CAMTA1: variants seen among roughly 807,000 people sequenced by gnomAD.
CAMTA1 encodes the protein calmodulin-binding transcription activator 1.
A neutral mutation model predicts 170.9 loss-of-function variants in CAMTA1; 27 were observed. The observed-to-expected ratio is 0.16, with a 90% confidence interval of 0.12 to 0.22. The LOEUF is 0.22. Ranked by LOEUF, CAMTA1 falls within the 10% of genes least tolerant of loss-of-function variation. The pLI, the probability that CAMTA1 is intolerant of heterozygous loss-of-function variation, is 1.00. For missense variants in CAMTA1, 1,619 were observed against 2,217.2 expected, an observed-to-expected ratio of 0.73 and a Z score of 5.42; for synonymous variants, 833 against 891.5, an observed-to-expected ratio of 0.93 and a Z score of 1.17.
chr1:6,860,546 A>T (rs1664277520), intron 3 of CAMTA1, among the ~76,000 whole-genome samples: 1 of 152,000 alleles, frequency 6.6e-6, no homozygotes, highest in African/African-American at 2.4e-5. Context: ...TTCTTTCCTT[A>T]TACACTGATT....
intron 11 of CAMTA1, among the ~76,000 whole-genome samples, chr1:7,686,841 T>G (rs750126071): frequency 7.0e-4 from 106 of 152,010 alleles, no homozygotes; most frequent in Non-Finnish European, 2.6e-4. Flanking sequence ...GCTGATGATT[T>G]GAATATGAAG....
Position 7,588,236 on chromosome 1 carries a change from G to A in CAMTA1, c.511-52164G>A, listed in dbSNP as rs914565654. Reference sequence around the variant, plus strand: ...ACCCCAGGACAAGCTCCTGTGGCCAGACAACCCCCGCCCCAGTTCTCACTG... The same window carrying A: ...ACCCCAGGACAAGCTCCTGTGGCCAAACAACCCCCGCCCCAGTTCTCACTG... On this transcript the variant is annotated intron_variant, in intron 6 of 22. Coordinates refer to ENST00000303635, the MANE Select transcript of CAMTA1 (RefSeq NM_015215.4). The surrounding 1 kb of genome is among the most constrained non-coding windows in gnomAD (Gnocchi z 5.8). 9.2e-5 allele frequency among the ~76,000 whole-genome samples: 14 copies of A among 152,216 alleles called. No homozygotes were observed. The highest frequency in any genetic ancestry group is 3.4e-3 in the Middle Eastern group (1 of 294).
In CAMTA1 at chr1:7,293,913, C is replaced by A. The variant is rs1673534975; in HGVS notation, c.438+44287C>A. ...TAATGAGCATTTGGCTTTTGTAATC[C>A]TTTTTCTGCTTCGTGCTAGCAGCCT... On this transcript the variant is annotated intron_variant, in intron 5 of 22. Coordinates refer to ENST00000303635, the MANE Select transcript of CAMTA1 (RefSeq NM_015215.4). The surrounding 1 kb of genome is among the most constrained non-coding windows in gnomAD (Gnocchi z 4.1). 6.6e-6 allele frequency among the ~76,000 whole-genome samples: 1 copy of A among 152,216 alleles called. No homozygotes were observed. Among genetic ancestry groups the A allele is most frequent in the African/African-American group, 2.4e-5 (1 of 41,454 alleles).
intron 3 of CAMTA1, among the ~76,000 whole-genome samples, chr1:7,028,224 C>G (rs1487117769): frequency 6.6e-6 from 1 of 152,138 alleles, no homozygotes. Flanking sequence ...ATATTTCTCC[C>G]TGACACTTTT....
intron 6 of CAMTA1, among the ~76,000 whole-genome samples, chr1:7,631,653 A>C (rs903686600): frequency 2.6e-5 from 4 of 152,180 alleles, no homozygotes; most frequent in African/African-American, 9.7e-5. Context: ...AGAGAGACCC[A>C]AGGAGACAGC....
chr1:6,871,427 C>T (rs1668381747), intron 3 of CAMTA1, among the ~76,000 whole-genome samples: 1 of 152,202 alleles, frequency 6.6e-6, no homozygotes, highest in African/African-American at 2.4e-5. Context: ...AGGAAAAACT[C>T]ACCATGCTGT....
intron 6 of CAMTA1, among the ~76,000 whole-genome samples, chr1:7,630,809 G>A (rs74053116): frequency 0.018 from 2,760 of 152,306 alleles, 72 homozygotes; most frequent in African/African-American, 0.063. Context: ...AAGGAAGTGG[G>A]GAGGTGTTCT....
Position 7,122,068 on chromosome 1 carries a change from C to T in CAMTA1, c.302+30697C>T, listed in dbSNP as rs113540736. On this transcript the variant is annotated intron_variant, in intron 4 of 22. Transcript: ENST00000303635. ...GCAGGGATGGGCTTGAGGCTGTTTCCGGGAAAGGCCATGGAGTGTTCTGGG... is the reference window on the plus strand; with the variant it reads ...GCAGGGATGGGCTTGAGGCTGTTTCTGGGAAAGGCCATGGAGTGTTCTGGG... Among the ~76,000 whole-genome samples the T allele has an allele frequency of 8.2e-3, 1,243 of 152,078 alleles. 26 individuals are homozygous for T. The highest frequency in any genetic ancestry group is 0.029 in the African/African-American group (1,195 of 41,470).
intron 6 of CAMTA1, among the ~76,000 whole-genome samples, chr1:7,579,563 T>C (rs1390184844): frequency 2.9e-5 from 4 of 136,132 alleles, no homozygotes; most frequent in African/African-American, 1.2e-4. Context: ...TTTTTTTTTT[T>C]TTTTTTTTTT....
chr1:7,103,885 GTACACACAACACACAACTACAC>G (rs1643196222), intron 4 of CAMTA1, among the ~76,000 whole-genome samples: 1 of 128,408 alleles, frequency 7.8e-6, no homozygotes. Flanking sequence ...CTACACACAT[GTACACACAACACACAACTACAC>G]GCGCACTCAC....
chr1:7,321,948 C>G (rs996063873), intron 5 of CAMTA1, among the ~76,000 whole-genome samples: 1 of 152,130 alleles, frequency 6.6e-6, no homozygotes, highest in African/African-American at 2.4e-5. Context: ...TATCTTGAGT[C>G]GAGGCACCAG....
At chr1:7,223,870 T>C (rs1168286466) in intron 4 of CAMTA1, among the ~76,000 whole-genome samples, 1 of 152,166 alleles carries the variant, frequency 6.6e-6, no homozygotes, top group Non-Finnish European at 1.5e-5. Context: ...TTTTATTAGA[T>C]GTATTTACAT....
chr1:7,702,546 A>G (rs1165327342), intron 11 of CAMTA1, among the ~76,000 whole-genome samples: 1 of 152,080 alleles, frequency 6.6e-6, no homozygotes, highest in Non-Finnish European at 1.5e-5. Flanking sequence ...ATCCATTCAG[A>G]GCAATTCAAC....
chr1:6,933,068 A>C (rs759253464), intron 3 of CAMTA1, among the ~76,000 whole-genome samples: 7 of 151,492 alleles, frequency 4.6e-5, no homozygotes, highest in Admixed American at 1.3e-4. Context: ...AGCAATCATC[A>C]TCTTTTTTTT....
chr1:7,013,316 C>T (rs994264543), intron 3 of CAMTA1, among the ~76,000 whole-genome samples: 33 of 147,328 alleles, frequency 2.2e-4, no homozygotes, highest in Non-Finnish European at 2.4e-4. Context: ...CTCCCAGGTT[C>T]GAGATTCTCA....
At chr1:7,445,067 G>A (rs2092645076) in intron 5 of CAMTA1, among the ~76,000 whole-genome samples, 1 of 151,752 alleles carries the variant, frequency 6.6e-6, no homozygotes. Flanking sequence ...GGATGGGGTG[G>A]GGGTTACCTC....
chr1:6,952,430 CAAAAAAAAGAAAA>C (rs1688663431), intron 3 of CAMTA1, among the ~76,000 whole-genome samples: 1 of 13,120 alleles, frequency 7.6e-5, no homozygotes, highest in Non-Finnish European at 1.6e-4. Flanking sequence ...GACTCTGTCT[CAAAAAAAAGAAAA>C]AAAAAAAAAA....
intron 6 of CAMTA1, among the ~76,000 whole-genome samples, chr1:7,626,642 G>A (rs2095635546): frequency 6.6e-6 from 1 of 152,176 alleles, no homozygotes; most frequent in Admixed American, 6.5e-5. Context: ...TGAACATCAG[G>A]AAGAGGCAAA....
At chr1:7,454,779 G>A (rs1230081788) in intron 5 of CAMTA1, among the ~76,000 whole-genome samples, 1 of 152,100 alleles carries the variant, frequency 6.6e-6, no homozygotes, top group Non-Finnish European at 1.5e-5. Flanking sequence ...GCTCCCTGGG[G>A]ACATTACCTC....
Sources: gnomAD v4.1 joint callset for allele counts (sites outside exome capture counted in the v4.1 genomes callset) on GRCh38, gnomAD v4.1.1 for gene constraint, Gnocchi (gnomAD v3.1) non-coding constraint, MANE v1.5 for transcripts, NCBI Gene and HGNC (gene_info 2026-07-23, HGNC 2026-07-21) for gene names.